The following CYB561D2 variants were observed in gnomAD, a reference collection of about 807,000 sequenced individuals.
CYB561D2 encodes cytochrome b561 family member D2, also known as transmembrane reductase CYB561D2.
CYB561D2 carries 16 observed loss-of-function variants against 20.2 expected under a neutral mutation model. The ratio of observed to expected loss-of-function variants is 0.79; its 90% CI spans 0.53 to 1.20. The LOEUF (loss-of-function observed/expected upper bound fraction) is 1.20, where lower values mean the gene tolerates loss of function less well. Ranked by LOEUF, CYB561D2 falls within the 50% of genes most tolerant of loss-of-function variation. The pLI is 0.00. For missense variants in CYB561D2, 247 were observed against 270.3 expected, an observed-to-expected ratio of 0.91 and a Z score of 0.60; for synonymous variants, 135 against 128.3, an observed-to-expected ratio of 1.05 and a Z score of -0.35.
chr3:50,352,051 G>A lies in CYB561D2; in HGVS notation c.165+5G>A. ...CCGGTGCTTATGTCTTTGGCTGTAA[G>A]TAGTGGGCCTGGGCAGTTCTTAGGG... is the stretch of plus-strand genomic sequence containing the variant. On this transcript the variant is annotated splice_donor_5th_base_variant and intron_variant, in intron 3 of 3. Transcript: ENST00000425346. The A allele has an allele frequency of 6.2e-7, 1 of 1,613,964 alleles. No individual in the cohort carries two copies. Among genetic ancestry groups the A allele is most frequent in the Non-Finnish European group, 8.5e-7 (1 of 1,179,928 alleles).
At chr3:50,351,299 C>G (rs2109371324) in intron 1 of CYB561D2, 110 bp from the exon 2 acceptor site, 1 of 1,243,866 alleles carries the variant, frequency 8.0e-7, no homozygotes, top group Non-Finnish European at 1.1e-6. Context: ...ACTGTTCTTT[C>G]CTACCATAAC....
chr3:50,352,684 CAAAAAAAAAAAA>C (rs59516380), intron 3 of CYB561D2, among the ~76,000 whole-genome samples: 3 of 45,706 alleles, frequency 6.6e-5, no homozygotes, highest in African/African-American at 2.5e-4. Flanking sequence ...AGACTATCTC[CAAAAAAAAAAAA>C]AAAAAAAAAA....
At position 50,353,938 on chromosome 3, in the gene CYB561D2, C is replaced by A; in HGVS notation, c.*194C>A. The A allele has an allele frequency of 1.6e-6, 1 of 634,096 alleles. No homozygotes were observed. The allele number at this position is 634,096 out of a possible 1,614,324, so 39.3% of individuals were successfully genotyped here. On this transcript the variant is annotated 3_prime_UTR_variant, in exon 4 of 4. Transcript: ENST00000425346. ...ATTTCCTTCCCCTTTCTCTGTCATC[C>A]CAGAGGAACATAGGCATCATGTGTC...
Position 50,351,995 on chromosome 3 carries a change from T to C in CYB561D2, c.128-14T>C. 6.2e-7 allele frequency: 1 copy of C among 1,613,920 alleles called. No homozygotes were observed. Among genetic ancestry groups the C allele is most frequent in the Non-Finnish European group, 8.5e-7 (1 of 1,179,916 alleles). ...CTTGCCTCAGCCCCATGAGGCCTCC[T>C]CTTCTCATTCCAGGCCTGTTCTCCT... On this transcript the variant is annotated splice_polypyrimidine_tract_variant and intron_variant, in intron 2 of 3. Transcript: ENST00000425346.
In CYB561D2 at chr3:50,353,910, C is replaced by G; in HGVS notation, c.*166C>G. The G allele has an allele frequency of 1.4e-6, 1 of 733,426 alleles. No homozygotes were observed. The highest frequency in any genetic ancestry group is 2.2e-6 in the Non-Finnish European group (1 of 461,406). The allele number at this position is 733,426 out of a possible 1,614,324, so 45.4% of individuals were successfully genotyped here. On this transcript the variant is annotated 3_prime_UTR_variant, in exon 4 of 4. Coordinates refer to ENST00000425346, the MANE Select transcript of CYB561D2 (RefSeq NM_001291284.2). ...TCCTGCTCCTCATGCTGGAGTGCCT[C>G]CCATTTCCTTCCCCTTTCTCTGTCA...
Position 50,353,590 on chromosome 3 carries a change from C to T in CYB561D2, c.515C>T (p.Ala172Val). ...SGLVGYLLGSASLLLGMCSLW... is the reference protein window; with the variant it reads ...SGLVGYLLGSVSLLLGMCSLW... Reference sequence around the variant, plus strand: ...CTGGTGGGCTACCTGCTGGGTAGTGCCAGCCTCTTGCTGGGCATGTGCTCA... The same window carrying T: ...CTGGTGGGCTACCTGCTGGGTAGTGTCAGCCTCTTGCTGGGCATGTGCTCA... The change falls in exon 4 of 4, where the codon GCC (alanine) becomes GTC (valine). Residue 172 changes from alanine (A) to valine (V), a missense_variant. Transcript: ENST00000425346. The T allele has an allele frequency of 6.2e-7, 1 of 1,613,772 alleles. No homozygotes were observed.
At chr3:50,351,582 C>G in intron 2 of CYB561D2, 22 bp downstream of exon 2, 7 of 1,603,540 alleles carry the variant, frequency 4.4e-6, no homozygotes, top group Non-Finnish European at 6.0e-6. Context: ...TCATAGCTGA[C>G]TTCTGGGAAG....
chr3:50,353,274 T>C lies in CYB561D2; in HGVS notation c.199T>C (p.Phe67Leu). ...CCTGATGACCGAGGCACTACTGGTG[T>C]TTTCTCCTGAGAGTTCGCTGCTGCA... ...SFLMTEALLV[F>L]SPESSLLHSL... is the part of the protein sequence containing the mutation. The change falls in exon 4 of 4, where the codon TTT becomes CTT. Residue 67 changes from phenylalanine to leucine, a missense_variant. By Grantham distance (22) the Phe-to-Leu change is conservative. Transcript: ENST00000425346. 6.3e-7 allele frequency: 1 copy of C among 1,585,346 alleles called. No individual in the cohort carries two copies. Among genetic ancestry groups the C allele is most frequent in the Middle Eastern group, 1.7e-4 (1 of 5,948 alleles).
intron 3 of CYB561D2, 116 bp from the exon 4 acceptor site, chr3:50,353,121 GGAGA>G (rs1703810220): frequency 7.2e-7 from 1 of 1,392,026 alleles, no homozygotes; most frequent in Admixed American, 2.3e-5. Context: ...TTGTCAGTGG[GGAGA>G]GAAAGAAAAA....
Position 50,353,492 on chromosome 3 carries a change from G to A in CYB561D2, c.417G>A (p.Val139=). The A allele has an allele frequency of 6.2e-7, 1 of 1,613,176 alleles. No individual in the cohort carries two copies. The highest frequency in any genetic ancestry group is 8.5e-7 in the Non-Finnish European group (1 of 1,179,990). ...CAGGGCTGCAGTGCTCAGGTGGGGT[G>A]GGGCTGCTCTACCCCAAGCTGCTGC... ...LWAGLQCSGG[V]GLLYPKLLPR... The change falls in exon 4 of 4, where the codon GTG becomes GTA. Residue 139 remains valine, a synonymous_variant. Coordinates refer to ENST00000425346, the MANE Select transcript of CYB561D2 (RefSeq NM_001291284.2).
At position 50,353,529 on chromosome 3, in the gene CYB561D2, C is replaced by T; in HGVS notation, c.454C>T (p.Leu152=). Residue 152 remains leucine (L), a synonymous_variant, in exon 4 of 4, where the codon CTG becomes TTG. Coordinates refer to ENST00000425346, the MANE Select transcript of CYB561D2 (RefSeq NM_001291284.2). ...CCCCAAGCTGCTGCCCCGATGGCCCCTGGCGAAGCTCAAGCTATACCATGC... is the reference window on the plus strand; with the variant it reads ...CCCCAAGCTGCTGCCCCGATGGCCCTTGGCGAAGCTCAAGCTATACCATGC... The part of the protein sequence containing the change: ...LYPKLLPRWP[L]AKLKLYHATS... 6.2e-7 allele frequency: 1 copy of T among 1,613,684 alleles called. No homozygotes were observed. The highest frequency in any genetic ancestry group is 8.5e-7 in the Non-Finnish European group (1 of 1,180,038).
Position 50,353,599 on chromosome 3 carries a change from T to C in CYB561D2, c.524T>C (p.Leu175Ser). The change falls in exon 4 of 4, where the codon TTG becomes TCG. Residue 175 changes from leucine (L) to serine (S), a missense_variant. Physicochemically the swap from Leu to Ser is moderately radical, Grantham distance 145 (BLOSUM62 -2). Coordinates refer to ENST00000425346, the MANE Select transcript of CYB561D2 (RefSeq NM_001291284.2). ...VGYLLGSASL[L>S]LGMCSLWFTA... ...TACCTGCTGGGTAGTGCCAGCCTCT[T>C]GCTGGGCATGTGCTCACTCTGGTTC... The C allele has an allele frequency of 6.2e-7, 1 of 1,613,796 alleles. No individual in the cohort carries two copies. Among genetic ancestry groups the C allele is most frequent in the Non-Finnish European group, 8.5e-7 (1 of 1,180,034 alleles).
In CYB561D2 at chr3:50,351,479, C is replaced by G. The variant is rs1451705212; in HGVS notation, c.46C>G (p.Arg16Gly). ...ETESHIYRAL[R>G]TASGAAAHLV... The stretch of plus-strand genomic sequence containing the variant: ...CGAGTCACACATCTACCGAGCTCTG[C>G]GTACTGCTTCTGGCGCTGCCGCCCA... The change falls in exon 2 of 4, where the codon CGT becomes GGT. Residue 16 changes from arginine (R) to glycine (G), a missense_variant. By Grantham distance (125) the Arg-to-Gly change is moderately radical (BLOSUM62 -2). Transcript: ENST00000425346. 2 of 1,613,712 alleles carry G rather than the reference C, an allele frequency of 1.2e-6. No homozygotes were observed. The highest frequency in any genetic ancestry group is 2.7e-5 in the African/African-American group (2 of 74,960).
intron 2 of CYB561D2, 30 bp from the exon 3 acceptor site, chr3:50,351,979 G>A (rs759697135): frequency 6.2e-7 from 1 of 1,613,504 alleles, no homozygotes; most frequent in East Asian, 2.2e-5. Context: ...TCTTGCCTCA[G>A]CCCCATGAGG....
chr3:50,353,417 C>T lies in CYB561D2; in HGVS notation c.342C>T (p.Ala114=). 6.2e-7 allele frequency: 1 copy of T among 1,613,216 alleles called. No homozygotes were observed. Among genetic ancestry groups the T allele is most frequent in the Non-Finnish European group, 8.5e-7 (1 of 1,179,990 alleles). ...TCCACAAAGAGCAGCTTGGCAAAGC[C>T]CACCTGGTTACGCGGCATGGGCAGG... The part of the protein sequence containing the change: ...VILHKEQLGK[A]HLVTRHGQAG... The change falls in exon 4 of 4, where the codon GCC becomes GCT. Residue 114 remains alanine, a synonymous_variant. Transcript: ENST00000425346.
chr3:50,353,784 A>G lies in CYB561D2; in HGVS notation c.*40A>G. The G allele has an allele frequency of 2.6e-6, 4 of 1,551,340 alleles. No homozygotes were observed. Among genetic ancestry groups the G allele is most frequent in the African/African-American group, 2.7e-5 (2 of 74,158 alleles). On this transcript the variant is annotated 3_prime_UTR_variant, in exon 4 of 4. Coordinates refer to ENST00000425346, the MANE Select transcript of CYB561D2 (RefSeq NM_001291284.2). ...AGGGGAAGCCTGGATTTGCCCCTCC[A>G]TGTAGGAGCTGGGCCTAGGGACCTG... is the stretch of plus-strand genomic sequence containing the variant.
intron 1 of CYB561D2, 57 bp downstream of exon 1, chr3:50,351,041 T>A: frequency 1.7e-6 from 1 of 572,220 alleles, no homozygotes; most frequent in Non-Finnish European, 2.7e-6. Context: ...GGCGGTGCGC[T>A]AAGGGATTCA....
intron 3 of CYB561D2, 57 bp from the exon 4 acceptor site, chr3:50,353,184 C>T: frequency 2.0e-6 from 3 of 1,514,766 alleles, no homozygotes; most frequent in Non-Finnish European, 2.7e-6. Flanking sequence ...ATAAAGCCCT[C>T]TTCTCCTCTT....
intron 3 of CYB561D2, 100 bp downstream of exon 3, chr3:50,352,146 G>C: frequency 3.5e-6 from 5 of 1,419,702 alleles, no homozygotes; most frequent in Non-Finnish European, 4.9e-6. Context: ...TATCTGTTTG[G>C]AAGAGTTGCA....
Sources: allele counts gnomAD v4.1 joint callset (sites outside exome capture counted in the v4.1 genomes callset), GRCh38; gene constraint gnomAD v4.1.1; transcripts MANE v1.5; gene names NCBI Gene and HGNC (gene_info 2026-07-23, HGNC 2026-07-21).